The following ACACA variants were observed in gnomAD, a reference collection of about 807,000 sequenced individuals.
The protein encoded by ACACA is acetyl-CoA carboxylase 1.
In ACACA, 103 loss-of-function variants were observed where a neutral mutation model predicts 296.1. That is an observed-to-expected ratio of 0.35 (90% CI 0.30 to 0.41). ACACA has a LOEUF of 0.41. ACACA is among the 10% of genes least tolerant of loss of function. The pLI is 1.00. For synonymous variants in ACACA, 953 were observed against 1,038.6 expected (o/e 0.92, Z 1.58); for missense variants, 1,554 against 2,989.7 (o/e 0.52, Z 11.20).
At chr17:37,277,154 A>G (rs1210685907) in intron 6 of ACACA, 40 bp from the exon 7 acceptor site, 2 of 1,568,320 alleles carry the variant, frequency 1.3e-6, no homozygotes, top group Non-Finnish European at 1.8e-6. Context: ...TAAAATTCAT[A>G]CAAAACCCCC....
At chr17:37,163,223 A>G (rs1383362352) in intron 41 of ACACA, 12 of 148,732 alleles carry the variant, frequency 8.1e-5, no homozygotes, top group African/African-American at 2.7e-4. Context: ...AAAAGAGTGT[A>G]GCACTTTGCC....
At chr17:37,242,771 G>C (rs1474734440) in intron 22 of ACACA, among the ~76,000 whole-genome samples, 2 of 151,960 alleles carry the variant, frequency 1.3e-5, no homozygotes, top group Non-Finnish European at 2.9e-5. Flanking sequence ...GGGCACGGTG[G>C]CTCACGCCTG....
intron 1 of ACACA, chr17:37,367,482 ACT>A (rs2049650074): frequency 6.6e-6 from 1 of 151,754 alleles, no homozygotes; most frequent in Non-Finnish European, 1.5e-5. Flanking sequence ...TTAAATCCTG[ACT>A]CTGTCGCTAA....
At chr17:37,122,473 G>A (rs2074573216) in intron 49 of ACACA, 58 bp downstream of exon 49, 1 of 1,314,854 alleles carries the variant, frequency 7.6e-7, no homozygotes, top group Non-Finnish European at 1.1e-6. Flanking sequence ...GTATTCACAG[G>A]CACTGCGAAG....
chr17:37,186,588 T>C (rs909343897), intron 39 of ACACA, among the ~76,000 whole-genome samples: 11 of 152,242 alleles, frequency 7.2e-5, no homozygotes, highest in Non-Finnish European at 1.3e-4. Flanking sequence ...GCTCCTTTTG[T>C]CAGTTCCCAC....
In ACACA at chr17:37,225,192, A is replaced by G. The variant is rs1363330055; in HGVS notation, c.3361-87T>C. The G allele has an allele frequency of 7.4e-6, 6 of 813,802 alleles. No homozygotes were observed. The African/African-American group carries it at 8.5e-5, about 11-fold the overall frequency. 50.4% of individuals were successfully genotyped at this position (813,802 alleles called of 1,614,324 possible). The stretch of plus-strand genomic sequence containing the variant: ...AGGCAGCTCTGATACAAAAGCAATA[A>G]ATATAAATCTGTAAGTGCAGGCATC... On this transcript the variant is annotated intron_variant, in intron 26 of 55. Transcript: ENST00000616317.
At chr17:37,361,957 C>T (rs578123754) in intron 1 of ACACA, among the ~76,000 whole-genome samples, 2 of 152,148 alleles carry the variant, frequency 1.3e-5, no homozygotes, top group Non-Finnish European at 2.9e-5. Context: ...CCTAATACCT[C>T]AGAATGTGAG....
intron 5 of ACACA, among the ~76,000 whole-genome samples, chr17:37,282,685 G>A (rs1412226642): frequency 6.6e-6 from 1 of 152,152 alleles, no homozygotes; most frequent in African/African-American, 2.4e-5. Flanking sequence ...TCTACCTTAA[G>A]AGATTATACC....
At chr17:37,353,782 CTG>C (rs1156649749) in intron 1 of ACACA, among the ~76,000 whole-genome samples, 1 of 151,196 alleles carries the variant, frequency 6.6e-6, no homozygotes, top group Non-Finnish European at 1.5e-5. Context: ...AAAACTGAGT[CTG>C]TTTTTTTAAA....
chr17:37,182,017 A>G (rs983003208), intron 39 of ACACA, among the ~76,000 whole-genome samples: 2 of 151,988 alleles, frequency 1.3e-5, no homozygotes, highest in African/African-American at 4.8e-5. Context: ...AATCTCATAT[A>G]CTCAGAAATG....
At chr17:37,396,064 G>C (rs563837937) in intron 1 of ACACA, among the ~76,000 whole-genome samples, 7 of 152,226 alleles carry the variant, frequency 4.6e-5, no homozygotes, top group Admixed American at 2.0e-4. Flanking sequence ...CAACAGCCAG[G>C]CATGGTAGCT....
chr17:37,149,124 C>G (rs536295694), intron 45 of ACACA, among the ~76,000 whole-genome samples: 11 of 149,902 alleles, frequency 7.3e-5, no homozygotes, highest in African/African-American at 4.8e-5. Flanking sequence ...CGAGCAGTGA[C>G]CTTGCCATCC....
intron 3 of ACACA, among the ~76,000 whole-genome samples, chr17:37,320,982 T>A (rs1048456491): frequency 6.6e-6 from 1 of 151,300 alleles, no homozygotes; most frequent in African/African-American, 2.4e-5. Context: ...TGGGAAATAA[T>A]AGCACAATAC....
intron 41 of ACACA, among the ~76,000 whole-genome samples, chr17:37,177,269 C>CGTGTGTGTGTGTGTGTGTGTGT (rs112439511): frequency 6.8e-6 from 1 of 146,426 alleles, no homozygotes; most frequent in East Asian, 2.0e-4. Context: ...TTAAAAAATT[C>CGTGTGTGTGTGTGTGTGTGTGT]GTGTGTGTGT....
At chr17:37,180,970 T>G (rs1319214443) in intron 40 of ACACA, among the ~76,000 whole-genome samples, 1 of 152,224 alleles carries the variant, frequency 6.6e-6, no homozygotes, top group East Asian at 1.9e-4. Context: ...CTCTCCTGTC[T>G]CCTACTCAAT....
intron 41 of ACACA, among the ~76,000 whole-genome samples, chr17:37,166,946 T>C (rs2076690021): frequency 1.3e-5 from 2 of 151,958 alleles, no homozygotes. Context: ...TGTGAATTGT[T>C]TACTTATTTT....
intron 1 of ACACA, among the ~76,000 whole-genome samples, chr17:37,403,822 A>G (rs1489757297): frequency 6.6e-6 from 1 of 152,170 alleles, no homozygotes; most frequent in African/African-American, 2.4e-5. Flanking sequence ...TCTGTTGAAC[A>G]GGCTGGAGGG....
chr17:37,347,959 G>A (rs2048709261), intron 1 of ACACA, among the ~76,000 whole-genome samples: 1 of 151,970 alleles, frequency 6.6e-6, no homozygotes, highest in African/African-American at 2.4e-5. Context: ...ATCACCTGAG[G>A]TCAGGAGTTC....
intron 40 of ACACA, 117 bp from the exon 41 acceptor site, chr17:37,179,523 T>G: frequency 8.8e-7 from 1 of 1,131,004 alleles, no homozygotes; most frequent in Non-Finnish European, 1.3e-6. Context: ...CTGCAGAGTG[T>G]AAACATTAGA....
Sources: gnomAD v4.1 joint callset for allele counts (sites outside exome capture counted in the v4.1 genomes callset) on GRCh38, gnomAD v4.1.1 for gene constraint, MANE v1.5 for transcripts, NCBI Gene and HGNC (gene_info 2026-07-23, HGNC 2026-07-21) for gene names.